The following ADK variants were observed in gnomAD, a reference collection of about 807,000 sequenced individuals.
ADK encodes the protein adenosine kinase.
A neutral mutation model predicts 44.7 loss-of-function variants in ADK; 24 were observed. That is an observed-to-expected ratio of 0.54 (90% confidence interval 0.39 to 0.76). ADK has a LOEUF of 0.76. ADK is among the 30% of genes least tolerant of loss of function. The pLI is 0.00. For synonymous variants in ADK, 128 were observed against 142.6 expected (o/e 0.90, Z 0.73); for missense variants, 321 against 425.1 (o/e 0.76, Z 2.15).
At chr10:74,527,516 T>G (rs1214863078) in intron 7 of ADK, 2 of 626,784 alleles carry the variant, frequency 3.2e-6, no homozygotes, top group African/African-American at 3.7e-5. Context: ...TGGAGGGACC[T>G]TTTGAAAAAA....
chr10:74,608,377 C>G (rs915568285), intron 9 of ADK, among the ~76,000 whole-genome samples: 1 of 152,008 alleles, frequency 6.6e-6, no homozygotes, highest in African/African-American at 2.4e-5. Context: ...ATTTATCTAC[C>G]TTTGGTCTTT....
intron 4 of ADK, among the ~76,000 whole-genome samples, chr10:74,355,356 A>G (rs1842098487): frequency 6.6e-6 from 1 of 152,250 alleles, no homozygotes. Flanking sequence ...GCCTGGAGGA[A>G]TAATGAAATG....
At chr10:74,165,791 A>C (rs1842019042) in intron 1 of ADK, among the ~76,000 whole-genome samples, 1 of 152,226 alleles carries the variant, frequency 6.6e-6, no homozygotes, top group South Asian at 2.1e-4. Context: ...ATTGTGTTTT[A>C]TAATCTTGTC....
chr10:74,622,988 C>A (rs1853051701), intron 9 of ADK, among the ~76,000 whole-genome samples: 2 of 152,156 alleles, frequency 1.3e-5, no homozygotes, highest in African/African-American at 4.8e-5. Context: ...GCCTGGACAA[C>A]AAGAGTGAAA....
chr10:74,502,523 T>A (rs1180904080), intron 6 of ADK, among the ~76,000 whole-genome samples: 2 of 152,140 alleles, frequency 1.3e-5, no homozygotes, highest in Non-Finnish European at 2.9e-5. Flanking sequence ...TGCAATTCAC[T>A]TTTTTAAATT....
chr10:74,466,305 A>G (rs1302825976), intron 6 of ADK, among the ~76,000 whole-genome samples: 1 of 152,228 alleles, frequency 6.6e-6, no homozygotes, highest in African/African-American at 2.4e-5. Context: ...TATGATTTCA[A>G]ATAGTACAAA....
intron 3 of ADK, among the ~76,000 whole-genome samples, chr10:74,261,471 CTTTTTGATTG>C (rs1043298928): frequency 6.6e-6 from 1 of 152,100 alleles, no homozygotes; most frequent in African/African-American, 2.4e-5. Context: ...GGACAATTTG[CTTTTTGATTG>C]TTTTTAGTCT....
At chr10:74,681,868 A>C (rs1471572621) in intron 10 of ADK, among the ~76,000 whole-genome samples, 1 of 151,826 alleles carries the variant, frequency 6.6e-6, no homozygotes, top group Non-Finnish European at 1.5e-5. Flanking sequence ...AAAAAAAAAA[A>C]AGTTGTCAGT....
intron 6 of ADK, among the ~76,000 whole-genome samples, chr10:74,420,881 C>G (rs911529116): frequency 6.6e-6 from 1 of 151,886 alleles, no homozygotes; most frequent in African/African-American, 2.4e-5. Flanking sequence ...AAATTACAAA[C>G]GACGGGAAAG....
intron 1 of ADK, among the ~76,000 whole-genome samples, chr10:74,172,674 A>G (rs1842197416): frequency 7.5e-6 from 1 of 132,522 alleles, no homozygotes; most frequent in Non-Finnish European, 1.6e-5. Context: ...GGGCAACAAG[A>G]GTGAAACTCC....
intron 6 of ADK, among the ~76,000 whole-genome samples, chr10:74,454,463 A>G (rs1251322109): frequency 6.6e-6 from 1 of 152,190 alleles, no homozygotes; most frequent in East Asian, 1.9e-4. Context: ...CTAAGGCAAG[A>G]ATAGTATATT....
Position 74,351,463 on chromosome 10 carries a change from T to C in ADK, c.273+36718T>C, listed in dbSNP as rs1841961365. ...TATGACAAATCCATAGCCAATATCA[T>C]ACTGAACAGGCAAAAGCTGGAAGCA... is the stretch of plus-strand genomic sequence containing the variant. On this transcript the variant is annotated intron_variant, in intron 4 of 10. Transcript: ENST00000539909. Among the ~76,000 whole-genome samples, 3 of 152,184 alleles carry C rather than the reference T, an allele frequency of 2.0e-5. 1 individual carries two copies. Among genetic ancestry groups the C allele is most frequent in the South Asian group, 2.1e-4 (1 of 4,828 alleles).
Position 74,586,870 on chromosome 10 carries a change from T to A in ADK, c.727-2412T>A, listed in dbSNP as rs7101087. 7.7e-3 allele frequency among the ~76,000 whole-genome samples: 1,123 copies of A among 146,614 alleles called. 9 individuals are homozygous for A. The highest frequency in any genetic ancestry group is 0.025 in the African/African-American group (934 of 37,798). ...GCTCTGTCTCAAAAAAAAAAAAAAA[T>A]ATATATGTATATATATACACACACA... On this transcript the variant is annotated intron_variant, in intron 7 of 10. Coordinates refer to ENST00000539909, the MANE Select transcript of ADK (RefSeq NM_006721.4).
intron 4 of ADK, among the ~76,000 whole-genome samples, chr10:74,393,266 TGTAA>T (rs1348199999): frequency 6.6e-5 from 10 of 152,316 alleles, no homozygotes; most frequent in South Asian, 6.2e-4. Context: ...TTTTGCTACC[TGTAA>T]GTCTTTGAAA....
chr10:74,483,529 G>T (rs1302916001), intron 6 of ADK, among the ~76,000 whole-genome samples: 1 of 152,146 alleles, frequency 6.6e-6, no homozygotes, highest in Non-Finnish European at 1.5e-5. Context: ...TTCCTGCCCA[G>T]AAAATTTCTC....
intron 9 of ADK, among the ~76,000 whole-genome samples, chr10:74,631,369 G>C (rs964159037): frequency 6.0e-5 from 9 of 150,958 alleles, no homozygotes; most frequent in Non-Finnish European, 1.0e-4. Context: ...CTGCCTGCTG[G>C]GTCCAAGCAA....
chr10:74,685,510 T>G (rs1292635912), intron 10 of ADK, among the ~76,000 whole-genome samples: 1 of 152,164 alleles, frequency 6.6e-6, no homozygotes, highest in Non-Finnish European at 1.5e-5. Flanking sequence ...AGCCACAAAG[T>G]AGCAGGTTGT....
chr10:74,305,925 A>G (rs1300436258), intron 3 of ADK, among the ~76,000 whole-genome samples: 1 of 152,106 alleles, frequency 6.6e-6, no homozygotes, highest in South Asian at 2.1e-4. Flanking sequence ...GGGTCTCACT[A>G]TGTTGCCCAG....
intron 3 of ADK, among the ~76,000 whole-genome samples, chr10:74,285,000 A>G (rs1427082254): frequency 6.6e-6 from 1 of 152,242 alleles, no homozygotes; most frequent in Non-Finnish European, 1.5e-5. Flanking sequence ...TAGTATAGCC[A>G]TCATTTACTG....
Sources: gnomAD v4.1 joint callset for allele counts (sites outside exome capture counted in the v4.1 genomes callset) on GRCh38, gnomAD v4.1.1 for gene constraint, MANE v1.5 for transcripts, NCBI Gene and HGNC (gene_info 2026-07-23, HGNC 2026-07-21) for gene names.